The following AHI1 variants were observed in gnomAD, a reference collection of about 807,000 sequenced individuals.
AHI1 encodes the protein jouberin.
Under a neutral mutation model 149.3 loss-of-function variants are expected in AHI1, and 123 were observed. The ratio of observed to expected loss-of-function variants is 0.82; its 90% CI spans 0.71 to 0.96. AHI1 has a LOEUF of 0.96. AHI1 is among the 40% of genes least tolerant of loss of function. The pLI, the probability that AHI1 is intolerant of heterozygous loss-of-function variation, is 0.00. For synonymous variants in AHI1, 475 were observed against 459.8 expected, an observed-to-expected ratio of 1.03 and a Z score of -0.42; for missense variants, 1,439 against 1,422.7, an observed-to-expected ratio of 1.01 and a Z score of -0.18.
In AHI1 at chr6:135,412,101, A is replaced by C. The variant is rs560875971; in HGVS notation, c.2765-557T>G. On this transcript the variant is annotated intron_variant, in intron 20 of 28. Coordinates refer to ENST00000265602, the MANE Select transcript of AHI1 (RefSeq NM_001134831.2). ...TTTTTTTACACATTCTCTTATACTG[A>C]ATACAGTTGGTCCACTGTATCTGTG... Among the ~76,000 whole-genome samples the C allele has an allele frequency of 2.0e-5, 3 of 152,248 alleles. No homozygotes were observed. In the East Asian group the frequency reaches 5.8e-4, roughly 29 times the overall value.
intron 5 of AHI1, among the ~76,000 whole-genome samples, chr6:135,480,713 C>G (rs113491721): frequency 0.012 from 1,827 of 152,272 alleles, 42 homozygotes; most frequent in African/African-American, 0.042. Context: ...CAGATTAGGG[C>G]AGGGGTCCTC....
chr6:135,342,118 C>G (rs990001456), intron 24 of AHI1, among the ~76,000 whole-genome samples: 1 of 151,740 alleles, frequency 6.6e-6, no homozygotes, highest in Non-Finnish European at 1.5e-5. Flanking sequence ...GAAGAAGTAT[C>G]ATTAACTACT....
chr6:135,467,727 G>T, intron 5 of AHI1, 93 bp from the exon 6 acceptor site: 1 of 874,140 alleles, frequency 1.1e-6, no homozygotes, highest in Non-Finnish European at 1.7e-6. Flanking sequence ...TGGAATTATT[G>T]GGAAAATTAT....
chr6:135,399,178 C>T (rs75469003), intron 22 of AHI1, among the ~76,000 whole-genome samples: 17,505 of 152,112 alleles, frequency 0.12, 2,592 homozygotes, highest in African/African-American at 0.34. Flanking sequence ...GAAGACCCTG[C>T]TTCAAAACGA....
chr6:135,415,865 T>C (rs562943609), intron 20 of AHI1, among the ~76,000 whole-genome samples: 3 of 152,154 alleles, frequency 2.0e-5, no homozygotes, highest in East Asian at 3.9e-4. Context: ...AAACACAGAT[T>C]TATCAAAGTA....
At chr6:135,311,511 C>T (rs11154799) in intron 26 of AHI1, among the ~76,000 whole-genome samples, 90,458 of 151,822 alleles carry the variant, frequency 0.6, 26,972 homozygotes, top group Middle Eastern at 0.65. Flanking sequence ...TACTATTCTT[C>T]ACTGGTTAAA....
intron 23 of AHI1, among the ~76,000 whole-genome samples, chr6:135,378,377 C>A (rs1372562372): frequency 6.6e-6 from 1 of 152,062 alleles, no homozygotes; most frequent in Non-Finnish European, 1.5e-5. Context: ...AATCAAATAC[C>A]AACTATACTA....
intron 22 of AHI1, among the ~76,000 whole-genome samples, chr6:135,403,837 T>C (rs183816921): frequency 2.0e-5 from 3 of 152,200 alleles, no homozygotes; most frequent in Non-Finnish European, 4.4e-5. Flanking sequence ...CCATATCCTG[T>C]TGACTTGTGA....
intron 8 of AHI1, among the ~76,000 whole-genome samples, chr6:135,458,986 C>T (rs1051821502): frequency 1.3e-5 from 2 of 152,140 alleles, no homozygotes; most frequent in African/African-American, 4.8e-5. Context: ...CAACAGCTGA[C>T]AGAATAAGTA....
rs116109272 is a variant in AHI1 at position 135,449,761 on chromosome 6, C to T, written c.1441-1286G>A. Among the ~76,000 whole-genome samples, 1,428 of 152,286 alleles carry T rather than the reference C, an allele frequency of 9.4e-3. 34 individuals carry two copies. The highest frequency in any genetic ancestry group is 0.033 in the African/African-American group (1,365 of 41,552). ...AGAGCTTTCTATAATGATGGGAATA[C>T]TCTAACCAATTTGTGCTAACCAATA... On this transcript the variant is annotated intron_variant, in intron 11 of 28. Transcript: ENST00000265602.
chr6:135,470,236 T>G (rs112034774), intron 5 of AHI1, among the ~76,000 whole-genome samples: 6 of 152,296 alleles, frequency 3.9e-5, no homozygotes, highest in South Asian at 2.1e-4. Flanking sequence ...CACTGATGGT[T>G]AGAGAATGCA....
chr6:135,445,741 T>TA (rs1162398809), intron 13 of AHI1, among the ~76,000 whole-genome samples: 1 of 152,066 alleles, frequency 6.6e-6, no homozygotes, highest in Admixed American at 6.5e-5. Flanking sequence ...CCCACCTAAT[T>TA]AAAAAAATTT....
At position 135,490,641 on chromosome 6, in the gene AHI1, C is replaced by G; in HGVS notation, c.117G>C (p.Arg39Ser). The change falls in exon 5 of 29, where the codon AGG (arginine) becomes AGC (serine). Residue 39 changes from arginine (R) to serine (S), a missense_variant. Transcript: ENST00000265602. ...TACTTACTGAGATGTTTTCTTCAGA[C>G]CTGACAAGTTTTTTCTTCAGTTTTT... ...EKKKLKKKLVRSEENISPDTI... is the reference protein window; with the variant it reads ...EKKKLKKKLVSSEENISPDTI... The G allele has an allele frequency of 6.2e-7, 1 of 1,613,616 alleles. No homozygotes were observed. The highest frequency in any genetic ancestry group is 8.5e-7 in the Non-Finnish European group (1 of 1,179,702).
chr6:135,467,536 G>A (rs1391073615), intron 6 of AHI1, 45 bp downstream of exon 6: 3 of 1,490,070 alleles, frequency 2.0e-6, no homozygotes, highest in Non-Finnish European at 2.8e-6. Context: ...TGTTTTTAGT[G>A]ACTCTCATGC....
chr6:135,318,464 CAG>C (rs749635663), intron 26 of AHI1, 53 bp downstream of exon 26: 50 of 1,099,160 alleles, frequency 4.5e-5, no homozygotes, highest in Non-Finnish European at 6.5e-5. Flanking sequence ...ATATTTTATC[CAG>C]AGAGAGTGAA....
At chr6:135,388,351 T>C (rs896324902) in intron 23 of AHI1, among the ~76,000 whole-genome samples, 5 of 152,218 alleles carry the variant, frequency 3.3e-5, no homozygotes, top group African/African-American at 1.2e-4. Flanking sequence ...TTTACCTTCC[T>C]TAAAATGGAA....
rs766168872 is a variant in AHI1 at position 135,300,552 on chromosome 6, T to C, written c.3433A>G (p.Ile1145Val). Residue 1145 changes from isoleucine to valine, a missense_variant, in exon 27 of 29, where the codon ATC becomes GTC. Coordinates refer to ENST00000265602, the MANE Select transcript of AHI1 (RefSeq NM_001134831.2). ...EKSPAPQKQS[I>V]NKNKSQDFRL... ...AAGTCCTGGGACTTGTTCTTATTGA[T>C]TGATTGCTGTGGAAGAAGAGGAAAA... The C allele has an allele frequency of 2.2e-5, 35 of 1,606,294 alleles. No individual in the cohort carries two copies. Among genetic ancestry groups the C allele is most frequent in the African/African-American group, 2.7e-5 (2 of 74,814 alleles).
chr6:135,427,904 A>G (rs1369560433), intron 19 of AHI1, among the ~76,000 whole-genome samples: 2 of 151,474 alleles, frequency 1.3e-5, no homozygotes, highest in African/African-American at 4.8e-5. Flanking sequence ...TTGCTACTGA[A>G]TTGATGCTAA....
intron 5 of AHI1, among the ~76,000 whole-genome samples, chr6:135,481,976 C>A (rs2128123412): frequency 6.6e-6 from 1 of 151,642 alleles, no homozygotes; most frequent in South Asian, 2.1e-4. Flanking sequence ...TATAAAATGT[C>A]TTTATTTTCT....
Sources: gnomAD v4.1 joint callset for allele counts (sites outside exome capture counted in the v4.1 genomes callset) on GRCh38, gnomAD v4.1.1 for gene constraint, MANE v1.5 for transcripts, NCBI Gene and HGNC (gene_info 2026-07-23, HGNC 2026-07-21) for gene names.